Variants in TSNARE1 observed in about 807,000 individuals in gnomAD.
TSNARE1 encodes t-SNARE domain containing 1.
Under a neutral mutation model 62.0 loss-of-function variants are expected in TSNARE1, and 49 were observed. The observed-to-expected ratio is 0.79, with a 90% CI of 0.63 to 1.00. The LOEUF (loss-of-function observed/expected upper bound fraction) is 1.00, where lower values mean the gene tolerates loss of function less well. TSNARE1 is among the 50% of genes least tolerant of loss of function. The pLI is 0.00. For missense variants in TSNARE1, 755 were observed against 700.1 expected, an observed-to-expected ratio of 1.08 and a Z score of -0.88; for synonymous variants, 328 against 294.4, an observed-to-expected ratio of 1.11 and a Z score of -1.17.
chr8:142,296,845 C>T (rs955909976), intron 10 of TSNARE1, among the ~76,000 whole-genome samples: 6 of 152,084 alleles, frequency 3.9e-5, no homozygotes, highest in Non-Finnish European at 8.8e-5. Context: ...CCTCAGAATC[C>T]GACTGCACCA....
chr8:142,227,135 C>T lies in TSNARE1; in HGVS notation c.*11+2338G>A, dbSNP rs554310667. Among the ~76,000 whole-genome samples the T allele has an allele frequency of 1.1e-3, 168 of 150,858 alleles. 1 individual carries two copies. The highest frequency in any genetic ancestry group is 3.9e-3 in the African/African-American group (161 of 40,784). ...ATAGTGACAGCCAGAACCCCCACTG[C>T]ACCCACACCCCAGTGACAGCCAGGA... On this transcript the variant is annotated intron_variant, in intron 13 of 13. Transcript: ENST00000524325.
At chr8:142,272,133 ACCT>A (rs771712253) in intron 12 of TSNARE1, among the ~76,000 whole-genome samples, 27 of 142,982 alleles carry the variant, frequency 1.9e-4, no homozygotes, top group Non-Finnish European at 3.8e-4. Context: ...ACCCCTTCCA[ACCT>A]CCTCTTCCTT....
intron 4 of TSNARE1, among the ~76,000 whole-genome samples, chr8:142,333,547 G>T (rs554628002): frequency 2.0e-5 from 3 of 152,212 alleles, no homozygotes; most frequent in African/African-American, 7.2e-5. Flanking sequence ...GAGGTGGCCC[G>T]GCATGAAGGG....
intron 11 of TSNARE1, chr8:142,277,009 C>T (rs1035960325): frequency 2.9e-5 from 29 of 985,324 alleles, no homozygotes; most frequent in Middle Eastern, 5.2e-4. Flanking sequence ...GCTGTGCGGC[C>T]GCGTGTTGCT....
intron 2 of TSNARE1, among the ~76,000 whole-genome samples, chr8:142,353,352 G>A (rs973076537): frequency 6.6e-6 from 1 of 152,198 alleles, no homozygotes; most frequent in African/African-American, 2.4e-5. Context: ...AGCAGACGCT[G>A]TATCAATGGT....
chr8:142,280,097 G>A lies in TSNARE1; in HGVS notation c.1363+4316C>T, dbSNP rs141086701. 7,951 of 1,180,668 alleles carry A rather than the reference G, an allele frequency of 6.7e-3. 40 individuals carry two copies. The highest frequency in any genetic ancestry group is 7.9e-3 in the Non-Finnish European group (7,432 of 942,646). The allele number at this position is 1,180,668 out of a possible 1,614,324, so 73.1% of individuals were successfully genotyped here. A position where few individuals can be genotyped will look rare whatever the true frequency, so the allele number is the denominator to read the frequency against. On this transcript the variant is annotated intron_variant, in intron 11 of 13. Transcript: ENST00000524325. ...ATGCGGCTCCACACGCGGTGCTTTCGGGCAGGTGTGCCCCGCAGCGCCCCG... is the reference window on the plus strand; with the variant it reads ...ATGCGGCTCCACACGCGGTGCTTTCAGGCAGGTGTGCCCCGCAGCGCCCCG...
intron 1 of TSNARE1, among the ~76,000 whole-genome samples, chr8:142,381,652 C>T (rs1836759258): frequency 6.6e-6 from 1 of 152,194 alleles, no homozygotes; most frequent in Non-Finnish European, 1.5e-5. Context: ...AGGGGAGCCA[C>T]ACACCTAAAC....
intron 12 of TSNARE1, among the ~76,000 whole-genome samples, chr8:142,262,794 C>T (rs1396294260): frequency 2.0e-5 from 3 of 152,124 alleles, no homozygotes; most frequent in Non-Finnish European, 2.9e-5. Context: ...CTATGCTTCC[C>T]GTACAGCCTG....
At chr8:142,280,596 C>T (rs751545521) in intron 11 of TSNARE1, among the ~76,000 whole-genome samples, 1 of 152,194 alleles carries the variant, frequency 6.6e-6, no homozygotes, top group African/African-American at 2.4e-5. Context: ...CCCCTCCCCA[C>T]GACTGCTCCC....
intron 9 of TSNARE1, among the ~76,000 whole-genome samples, chr8:142,308,736 C>T (rs1563880482): frequency 6.6e-6 from 1 of 152,178 alleles, no homozygotes; most frequent in Non-Finnish European, 1.5e-5. Flanking sequence ...CCTTTGCTAT[C>T]TTGGGTCTTT....
chr8:142,323,500 T>A (rs1481732766), intron 6 of TSNARE1, among the ~76,000 whole-genome samples: 1 of 152,222 alleles, frequency 6.6e-6, no homozygotes, highest in Non-Finnish European at 1.5e-5. Context: ...GGCAGACTCC[T>A]GCTGGCAAGG....
chr8:142,222,121 T>TTCACTCACTCATCCACACATTCAC (rs1816305996), intron 13 of TSNARE1, among the ~76,000 whole-genome samples: 1 of 107,344 alleles, frequency 9.3e-6, no homozygotes, highest in African/African-American at 3.8e-5. Flanking sequence ...CATCCACTCA[T>TTCACTCACTCATCCACACATTCAC]TCACTCACTC....
chr8:142,294,442 C>A (rs1824343778), intron 10 of TSNARE1, among the ~76,000 whole-genome samples: 1 of 152,234 alleles, frequency 6.6e-6, no homozygotes, highest in Admixed American at 6.5e-5. Flanking sequence ...AACCATCTGG[C>A]AGGAGTCGGA....
intron 11 of TSNARE1, among the ~76,000 whole-genome samples, chr8:142,280,686 G>A (rs936507221): frequency 2.0e-5 from 3 of 152,162 alleles, no homozygotes; most frequent in Admixed American, 1.3e-4. Context: ...GGACTGGGTG[G>A]GCACCTGAAG....
At chr8:142,224,405 G>A (rs1295061979) in intron 13 of TSNARE1, among the ~76,000 whole-genome samples, 1 of 152,186 alleles carries the variant, frequency 6.6e-6, no homozygotes, top group Non-Finnish European at 1.5e-5. Context: ...GCTGACCTCT[G>A]ACCCTAGCCA....
At chr8:142,375,058 G>T (rs1465986977) in intron 1 of TSNARE1, among the ~76,000 whole-genome samples, 1 of 152,190 alleles carries the variant, frequency 6.6e-6, no homozygotes, top group African/African-American at 2.4e-5. Flanking sequence ...CACAGTACTC[G>T]ACCACAGTAC....
rs566197305 is a variant in TSNARE1, at chr8:142,266,514, A to C, written c.1446+8267T>G. Among the ~76,000 whole-genome samples, 17 of 152,344 alleles carry C rather than the reference A, an allele frequency of 1.1e-4. No homozygotes were observed. The South Asian group carries it at 3.5e-3, about 32-fold the overall frequency. On this transcript the variant is annotated intron_variant, in intron 12 of 13. Coordinates refer to ENST00000524325, the MANE Select transcript of TSNARE1 (RefSeq NM_145003.5). ...GTCAGTTGCAGAATTCTAAGTTGACAGCGACTTTCTCTCAATACTTTGTAG... is the reference window on the plus strand; with the variant it reads ...GTCAGTTGCAGAATTCTAAGTTGACCGCGACTTTCTCTCAATACTTTGTAG...
At chr8:142,374,943 C>G (rs1297683003) in intron 1 of TSNARE1, among the ~76,000 whole-genome samples, 1 of 152,158 alleles carries the variant, frequency 6.6e-6, no homozygotes, top group South Asian at 2.1e-4. Context: ...CGCCAGGGAC[C>G]CGGCGCCAGG....
At chr8:142,367,274 T>C (rs890648236) in intron 1 of TSNARE1, among the ~76,000 whole-genome samples, 4 of 152,160 alleles carry the variant, frequency 2.6e-5, no homozygotes, top group South Asian at 2.1e-4. Context: ...AGGCAGTTCA[T>C]CTAAGAAAAC....
Sources: allele counts gnomAD v4.1 joint callset (sites outside exome capture counted in the v4.1 genomes callset), GRCh38; gene constraint gnomAD v4.1.1; transcripts MANE v1.5; gene names NCBI Gene and HGNC (gene_info 2026-07-23, HGNC 2026-07-21).